The following STX1B variants were observed in gnomAD, a reference collection of about 807,000 sequenced individuals.
The protein encoded by STX1B is syntaxin 1B.
STX1B carries 7 observed loss-of-function variants against 39.4 expected under a neutral mutation model. The observed-to-expected ratio is 0.18, with a 90% CI of 0.10 to 0.33. STX1B has a LOEUF of 0.33. Among genes scored for constraint, STX1B ranks in the 10% least tolerant of loss-of-function variants. STX1B has a pLI of 1.00. For synonymous variants in STX1B, 136 were observed against 144.1 expected (o/e 0.94, Z 0.40); for missense variants, 198 against 383.2 (o/e 0.52, Z 4.04).
chr16:30,997,072 T>C lies in STX1B; in HGVS notation c.355-13A>G. 9.0e-7 allele frequency: 1 copy of C among 1,108,542 alleles called. No homozygotes were observed. Among genetic ancestry groups the C allele is most frequent in the Non-Finnish European group, 1.2e-6 (1 of 820,840 alleles). 68.7% of individuals were successfully genotyped at this position (1,108,542 alleles called of 1,614,324 possible). Reference sequence around the variant, plus strand: ...ACAGTGTGGAGTGCTACGGTGGGGGTGGGGGGACAGACGGATCAGGGAGGT... The same window carrying C: ...ACAGTGTGGAGTGCTACGGTGGGGGCGGGGGGACAGACGGATCAGGGAGGT... On this transcript the variant is annotated splice_polypyrimidine_tract_variant and intron_variant, in intron 5 of 9. Coordinates refer to ENST00000215095, the MANE Select transcript of STX1B (RefSeq NM_052874.5).
At chr16:31,000,420 C>A (rs1232400295) in intron 4 of STX1B, among the ~76,000 whole-genome samples, 1 of 151,578 alleles carries the variant, frequency 6.6e-6, no homozygotes, top group Non-Finnish European at 1.5e-5. Flanking sequence ...GCAGCCTCGA[C>A]CCCCTGGGCT....
At chr16:31,008,178 C>T (rs75268105) in intron 1 of STX1B, among the ~76,000 whole-genome samples, 8,274 of 151,786 alleles carry the variant, frequency 0.055, 762 homozygotes, top group African/African-American at 0.19. Context: ...AGGCTCCTTG[C>T]TTTCAACTGT....
At chr16:30,994,063 C>T (rs1033209373) in intron 7 of STX1B, among the ~76,000 whole-genome samples, 5 of 151,242 alleles carry the variant, frequency 3.3e-5, no homozygotes, top group Admixed American at 6.6e-5. Context: ...GAGGCTGAAG[C>T]GGGCAGATCA....
rs776806230 is a variant in STX1B, at chr16:30,997,531, A to C, written c.325T>G (p.Ser109Ala). 6.2e-7 allele frequency: 1 copy of C among 1,610,206 alleles called. No homozygotes were observed. Among genetic ancestry groups the C allele is most frequent in the Non-Finnish European group, 8.5e-7 (1 of 1,178,764 alleles). Residue 109 changes from serine (S) to alanine (A), a missense_variant, in exon 5 of 10, where the codon TCC becomes GCC. Ser to Ala is a moderately conservative substitution (Grantham distance 99). Coordinates refer to ENST00000215095, the MANE Select transcript of STX1B (RefSeq NM_052874.5). ...GTCTTGCGGATGCGCAGGTCCGCGG[A>C]GGAACGGTTCAGCCCCTCCTCCTGT... ...IEQEEGLNRS[S>A]ADLRIRKTQH...
At chr16:31,003,356 T>C (rs2056641076) in intron 1 of STX1B, among the ~76,000 whole-genome samples, 1 of 152,216 alleles carries the variant, frequency 6.6e-6, no homozygotes, top group African/African-American at 2.4e-5. Context: ...TTGGGGACCC[T>C]GAGAGGCTCT....
At chr16:31,004,786 G>A (rs527523928) in intron 1 of STX1B, among the ~76,000 whole-genome samples, 4 of 152,126 alleles carry the variant, frequency 2.6e-5, no homozygotes, top group East Asian at 1.9e-4. Context: ...GCCTACCACC[G>A]GCTGATTCCA....
At chr16:31,007,540 A>G (rs573801156) in intron 1 of STX1B, among the ~76,000 whole-genome samples, 21 of 152,120 alleles carry the variant, frequency 1.4e-4, no homozygotes, top group Admixed American at 5.9e-4. Context: ...ACTCCTTTTC[A>G]CAGCCTCCAC....
At chr16:31,006,156 C>T (rs558063978) in intron 1 of STX1B, among the ~76,000 whole-genome samples, 73 of 152,300 alleles carry the variant, frequency 4.8e-4, no homozygotes, top group African/African-American at 1.7e-3. Context: ...CCAGCACTGA[C>T]ACACACGGGC....
At chr16:31,005,528 G>A (rs1360678710) in intron 1 of STX1B, among the ~76,000 whole-genome samples, 1 of 125,566 alleles carries the variant, frequency 8.0e-6, no homozygotes, top group African/African-American at 3.1e-5. Context: ...GGCTGGTCTC[G>A]AACTCCTGGG....
chr16:31,001,284 G>C lies in STX1B; in HGVS notation c.106-91C>G, dbSNP rs528196864. ...AGCCAGGGTTCAGGGGAATGGACCA[G>C]CCCCAGAACGGCTGATAAAAGGCCA... is the stretch of plus-strand genomic sequence containing the variant. On this transcript the variant is annotated intron_variant, in intron 2 of 9. Coordinates refer to ENST00000215095, the MANE Select transcript of STX1B (RefSeq NM_052874.5). This position sits in a 1 kb window ranked among gnomAD's most constrained non-coding sequence, Gnocchi z 5.5. The C allele has an allele frequency of 1.3e-5, 17 of 1,265,210 alleles. 1 individual carries two copies. In the East Asian group the frequency reaches 4.0e-4, roughly 30 times the overall value. 78.4% of individuals were successfully genotyped at this position (1,265,210 alleles called of 1,614,324 possible).
intron 1 of STX1B, among the ~76,000 whole-genome samples, chr16:31,006,612 TG>T (rs1195167381): frequency 6.6e-6 from 1 of 151,722 alleles, no homozygotes; most frequent in African/African-American, 2.4e-5. Flanking sequence ...ACATGGGAAT[TG>T]GGGGGGATTG....
In STX1B at chr16:30,990,104, T is replaced by G. The variant is rs1205249930; in HGVS notation, c.*2717A>C. 2 of 152,216 alleles carry G rather than the reference T, an allele frequency of 1.3e-5. No individual in the cohort carries two copies. Among genetic ancestry groups the G allele is most frequent in the African/African-American group, 4.8e-5 (2 of 41,432 alleles). The allele number at this position is 152,216 out of a possible 1,614,324, so 9.4% of individuals were successfully genotyped here. A position where few individuals can be genotyped will look rare whatever the true frequency, so the allele number is the denominator to read the frequency against. On this transcript the variant is annotated 3_prime_UTR_variant, in exon 10 of 10. Coordinates refer to ENST00000215095, the MANE Select transcript of STX1B (RefSeq NM_052874.5). Reference sequence around the variant, plus strand: ...CCCTGGTCCACCTGAGGCCCAGAGATGGGCAGCTGTGGGCCCAATGCCACT... The same window carrying G: ...CCCTGGTCCACCTGAGGCCCAGAGAGGGGCAGCTGTGGGCCCAATGCCACT...
At chr16:31,005,159 T>A (rs2056649049) in intron 1 of STX1B, among the ~76,000 whole-genome samples, 1 of 152,224 alleles carries the variant, frequency 6.6e-6, no homozygotes, top group African/African-American at 2.4e-5. Context: ...ATGAGCAGAC[T>A]GGTGCAAGTG....
intron 4 of STX1B, among the ~76,000 whole-genome samples, chr16:31,000,539 C>G (rs1251328913): frequency 6.6e-6 from 1 of 151,732 alleles, no homozygotes; most frequent in Non-Finnish European, 1.5e-5. Context: ...GTCACCCAGA[C>G]TGTAGTGCAG....
chr16:31,004,344 GC>G (rs1452837660), intron 1 of STX1B, among the ~76,000 whole-genome samples: 1 of 152,078 alleles, frequency 6.6e-6, no homozygotes, highest in African/African-American at 2.4e-5. Flanking sequence ...TATTATTATA[GC>G]CCCCTTTTAT....
intron 1 of STX1B, among the ~76,000 whole-genome samples, chr16:31,006,455 TGTG>T (rs1275772777): frequency 6.6e-6 from 1 of 152,120 alleles, no homozygotes; most frequent in East Asian, 1.9e-4. Flanking sequence ...CTGCTGGCGA[TGTG>T]GTGGTGAAGA....
intron 1 of STX1B, among the ~76,000 whole-genome samples, chr16:31,002,079 T>G (rs538321090): frequency 3.3e-5 from 5 of 152,036 alleles, no homozygotes; most frequent in Non-Finnish European, 7.4e-5. Flanking sequence ...CAAGGTCACT[T>G]CACTGCCAGC....
rs1346013494 is a variant in STX1B, at chr16:30,991,016, G to A, written c.*1805C>T. The A allele has an allele frequency of 2.0e-5, 3 of 152,576 alleles. No individual in the cohort carries two copies. Among genetic ancestry groups the A allele is most frequent in the African/African-American group, 7.2e-5 (3 of 41,448 alleles). The allele number at this position is 152,576 out of a possible 1,614,324, so 9.5% of individuals were successfully genotyped here. ...CCCTGAGGCAGAGCCCAGAGCATCCGATGGGGCAGTGGGGGACACACAGTC... is the reference window on the plus strand; with the variant it reads ...CCCTGAGGCAGAGCCCAGAGCATCCAATGGGGCAGTGGGGGACACACAGTC... On this transcript the variant is annotated 3_prime_UTR_variant, in exon 10 of 10. Coordinates refer to ENST00000215095, the MANE Select transcript of STX1B (RefSeq NM_052874.5).
At chr16:31,003,019 C>A (rs1422044647) in intron 1 of STX1B, among the ~76,000 whole-genome samples, 1 of 152,110 alleles carries the variant, frequency 6.6e-6, no homozygotes, top group East Asian at 1.9e-4. Context: ...TCAGATTGAA[C>A]CTAGACAGGG....
Sources: gnomAD v4.1 joint callset for allele counts (sites outside exome capture counted in the v4.1 genomes callset) on GRCh38, gnomAD v4.1.1 for gene constraint, Gnocchi (gnomAD v3.1) non-coding constraint, MANE v1.5 for transcripts, NCBI Gene and HGNC (gene_info 2026-07-23, HGNC 2026-07-21) for gene names.